The following VTI1A variants were observed in gnomAD, a reference collection of about 807,000 sequenced individuals.
VTI1A encodes vesicle transport through interaction with t-SNAREs 1A.
A neutral mutation model predicts 34.9 loss-of-function variants in VTI1A; 22 were observed. The observed-to-expected ratio is 0.63, with a 90% CI of 0.45 to 0.90. VTI1A has a LOEUF of 0.90. Among genes scored for constraint, VTI1A ranks in the 40% least tolerant of loss-of-function variants. The pLI is 0.00. For missense variants in VTI1A, 268 were observed against 275.6 expected, an observed-to-expected ratio of 0.97 and a Z score of 0.20; for synonymous variants, 87 against 97.3, an observed-to-expected ratio of 0.89 and a Z score of 0.62.
intron 7 of VTI1A, among the ~76,000 whole-genome samples, chr10:112,751,475 T>TAAA (rs11411829): frequency 0.023 from 2,340 of 100,844 alleles, 94 homozygotes; most frequent in African/African-American, 0.081. Flanking sequence ...ATTAACTGTT[T>TAAA]AAAAAAAAAA....
intron 7 of VTI1A, among the ~76,000 whole-genome samples, chr10:112,687,018 G>A (rs561033681): frequency 5.9e-5 from 9 of 152,084 alleles, no homozygotes; most frequent in South Asian, 2.1e-4. Context: ...TGTGGGCACC[G>A]CTGTAACCTG....
At chr10:112,755,049 G>T (rs1000680281) in intron 7 of VTI1A, among the ~76,000 whole-genome samples, 4 of 152,110 alleles carry the variant, frequency 2.6e-5, no homozygotes, top group African/African-American at 9.7e-5. Context: ...GAGGCCAGGA[G>T]TTCAAAACCA....
At chr10:112,690,432 C>T (rs754783620) in intron 7 of VTI1A, among the ~76,000 whole-genome samples, 14 of 152,216 alleles carry the variant, frequency 9.2e-5, no homozygotes, top group Non-Finnish European at 1.8e-4. Flanking sequence ...CATCCAAACA[C>T]TCAGAACCCA....
intron 5 of VTI1A, among the ~76,000 whole-genome samples, chr10:112,546,006 ATGTGTGTGTATATACGTGTATACG>A (rs1564821380): frequency 0.05 from 7,117 of 141,764 alleles, 720 homozygotes; most frequent in African/African-American, 0.13. Context: ...GTATACGCGT[ATGTGTGTGTATATACGTGTATACG>A]CGTATGTGTG....
chr10:112,625,806 A>G (rs995444069), intron 5 of VTI1A, among the ~76,000 whole-genome samples: 6 of 152,126 alleles, frequency 3.9e-5, no homozygotes, highest in Non-Finnish European at 7.4e-5. Context: ...TACAGCATAT[A>G]CTGCTCAGGT....
chr10:112,793,450 C>T (rs2134060544), intron 7 of VTI1A, among the ~76,000 whole-genome samples: 1 of 152,270 alleles, frequency 6.6e-6, no homozygotes, highest in East Asian at 1.9e-4. Flanking sequence ...TTCCAAGGTT[C>T]TATACATTGG....
At chr10:112,565,661 C>T (rs991626003) in intron 5 of VTI1A, among the ~76,000 whole-genome samples, 1 of 152,120 alleles carries the variant, frequency 6.6e-6, no homozygotes, top group African/African-American at 2.4e-5. Context: ...CGCCATTGAG[C>T]CACTAGTTAA....
intron 7 of VTI1A, among the ~76,000 whole-genome samples, chr10:112,732,569 G>C (rs1273000972): frequency 6.6e-6 from 1 of 151,946 alleles, no homozygotes; most frequent in Non-Finnish European, 1.5e-5. Flanking sequence ...TGTTCTTCAT[G>C]GTCGAGGTCA....
Position 112,816,365 on chromosome 10 carries a change from A to G in VTI1A, c.*982A>G, listed in dbSNP as rs1028056884. On this transcript the variant is annotated 3_prime_UTR_variant, in exon 8 of 8. Transcript: ENST00000393077. Reference sequence around the variant, plus strand: ...GATTATAAATATGGGAGAGTCCTATAGGAGGGTCCACCAGAGATAAACTTC... The same window carrying G: ...GATTATAAATATGGGAGAGTCCTATGGGAGGGTCCACCAGAGATAAACTTC... The G allele has an allele frequency of 2.3e-5, 5 of 222,014 alleles. No homozygotes were observed. The highest frequency in any genetic ancestry group is 1.1e-4 in the African/African-American group (5 of 44,778). The allele number at this position is 222,014 out of a possible 1,614,324, so 13.8% of individuals were successfully genotyped here.
intron 3 of VTI1A, among the ~76,000 whole-genome samples, chr10:112,466,419 TA>T (rs1033736536): frequency 3.3e-5 from 5 of 152,056 alleles, no homozygotes; most frequent in African/African-American, 9.6e-5. Flanking sequence ...TCCTATTAAT[TA>T]AAAAAAATTA....
intron 5 of VTI1A, among the ~76,000 whole-genome samples, chr10:112,610,124 A>G (rs1168385825): frequency 6.6e-6 from 1 of 152,122 alleles, no homozygotes; most frequent in African/African-American, 2.4e-5. Flanking sequence ...TTCCAGTTAA[A>G]ATCATCTTCA....
At chr10:112,527,709 A>C (rs1483709378) in intron 4 of VTI1A, among the ~76,000 whole-genome samples, 3 of 104,418 alleles carry the variant, frequency 2.9e-5, no homozygotes, top group Admixed American at 8.2e-5. Flanking sequence ...TAATAGTCAT[A>C]ATAATAATAA....
chr10:112,621,745 C>G (rs1035917368), intron 5 of VTI1A, among the ~76,000 whole-genome samples: 1 of 152,148 alleles, frequency 6.6e-6, no homozygotes, highest in African/African-American at 2.4e-5. Context: ...GCATGTAGCA[C>G]GAAATCCTTA....
At chr10:112,519,583 G>A (rs918858088) in intron 3 of VTI1A, among the ~76,000 whole-genome samples, 1 of 152,046 alleles carries the variant, frequency 6.6e-6, no homozygotes, top group African/African-American at 2.4e-5. Flanking sequence ...TAGGTGAATC[G>A]TTCATCCAAC....
rs1217655836 is a variant in VTI1A, at chr10:112,601,511, G to A, written c.427+63181G>A. Among the ~76,000 whole-genome samples, 5 of 151,578 alleles carry A rather than the reference G, an allele frequency of 3.3e-5. No homozygotes were observed. The East Asian group carries it at 9.7e-4, about 29-fold the overall frequency. On this transcript the variant is annotated intron_variant, in intron 5 of 7. Coordinates refer to ENST00000393077, the MANE Select transcript of VTI1A (RefSeq NM_145206.4). The stretch of plus-strand genomic sequence containing the variant: ...GTCTAATTAATTTGGTGCCAACCAG[G>A]CACCAATGCCTTGTCGACTCTCTTT...
intron 1 of VTI1A, among the ~76,000 whole-genome samples, chr10:112,454,597 G>T (rs1847361400): frequency 6.6e-6 from 1 of 151,706 alleles, no homozygotes; most frequent in South Asian, 2.1e-4. Flanking sequence ...GCGAGATCTT[G>T]TCTCTAAATG....
chr10:112,793,876 A>G (rs573482685), intron 7 of VTI1A, among the ~76,000 whole-genome samples: 3 of 152,322 alleles, frequency 2.0e-5, no homozygotes, highest in East Asian at 3.9e-4. Flanking sequence ...TTTTCTCTCC[A>G]GGTGCACTGT....
chr10:112,772,908 C>A (rs938335431), intron 7 of VTI1A, among the ~76,000 whole-genome samples: 2 of 152,116 alleles, frequency 1.3e-5, no homozygotes, highest in African/African-American at 4.8e-5. Flanking sequence ...TCATTCAGAG[C>A]AGAACAGGGT....
rs148229572 is a variant in VTI1A at position 112,581,233 on chromosome 10, T to C, written c.427+42903T>C. ...AGTGGGCTGGCTGCATCATTCTCTCTGCATAGCCCTTTCTTTCAGAGTCCT... is the reference window on the plus strand; with the variant it reads ...AGTGGGCTGGCTGCATCATTCTCTCCGCATAGCCCTTTCTTTCAGAGTCCT... On this transcript the variant is annotated intron_variant, in intron 5 of 7. Coordinates refer to ENST00000393077, the MANE Select transcript of VTI1A (RefSeq NM_145206.4). Among the ~76,000 whole-genome samples, 236 of 152,362 alleles carry C rather than the reference T, an allele frequency of 1.5e-3. 1 individual carries two copies. The highest frequency in any genetic ancestry group is 5.3e-3 in the African/African-American group (219 of 41,590).
Sources: gnomAD v4.1 joint callset for allele counts (sites outside exome capture counted in the v4.1 genomes callset) on GRCh38, gnomAD v4.1.1 for gene constraint, MANE v1.5 for transcripts, NCBI Gene and HGNC (gene_info 2026-07-23, HGNC 2026-07-21) for gene names.